SV2C: variants seen among roughly 807,000 people sequenced by gnomAD.
SV2C encodes the protein solute carrier family 22 member B3.
In SV2C, 49 loss-of-function variants were observed where a neutral mutation model predicts 79.7. That is an observed-to-expected ratio of 0.61 (90% CI 0.49 to 0.78). SV2C has a LOEUF of 0.78. SV2C is among the 30% of genes least tolerant of loss of function. The pLI is 0.00. For missense variants in SV2C, 833 were observed against 912.9 expected (o/e 0.91, Z 1.13); for synonymous variants, 334 against 333.2 (o/e 1.00, Z -0.03).
the SV2C span, among the ~76,000 whole-genome samples, chr5:75,937,675 C>G: frequency 2.6e-5 from 4 of 152,076 alleles, 1 homozygote; most frequent in Admixed American, 2.6e-4. Flanking sequence ...CGTCACCACA[C>G]TCCAGCCTGT....
At chr5:76,295,385 A>C (rs955898111) in intron 8 of SV2C, among the ~76,000 whole-genome samples, 5 of 152,192 alleles carry the variant, frequency 3.3e-5, no homozygotes, top group Admixed American at 1.3e-4. Context: ...CTCTGCCCTC[A>C]TAACTTAATC....
the SV2C span, among the ~76,000 whole-genome samples, chr5:75,949,660 C>T: frequency 1.3e-5 from 2 of 152,010 alleles, no homozygotes; most frequent in South Asian, 2.1e-4. Flanking sequence ...TCTTGGCTCT[C>T]ATTTTTTCTT....
rs183720472 is a variant in SV2C at position 76,218,636 on chromosome 5, G to C, written c.913+8749G>C. 4.8e-3 allele frequency among the ~76,000 whole-genome samples: 733 copies of C among 152,282 alleles called. 3 individuals carry two copies. Among genetic ancestry groups the C allele is most frequent in the African/African-American group, 0.017 (700 of 41,548 alleles). The stretch of plus-strand genomic sequence containing the variant: ...GGAGGCAAGGGGAGGGAGAGCATTA[G>C]GACCTAATGCATGTGGGGCTTTAAA... On this transcript the variant is annotated intron_variant, in intron 4 of 12. Coordinates refer to ENST00000502798, the MANE Select transcript of SV2C (RefSeq NM_014979.4).
chr5:75,859,085 A>C, the SV2C span, among the ~76,000 whole-genome samples: 2 of 145,542 alleles, frequency 1.4e-5, no homozygotes, highest in African/African-American at 5.1e-5. Flanking sequence ...TTTCAATTTT[A>C]TTTCTCCCCT....
intron 2 of SV2C, among the ~76,000 whole-genome samples, chr5:76,191,602 A>G (rs997454114): frequency 1.1e-4 from 17 of 152,376 alleles, no homozygotes; most frequent in African/African-American, 3.8e-4. Context: ...AATCTAAAGC[A>G]GCTTAGCAAA....
intron 4 of SV2C, among the ~76,000 whole-genome samples, chr5:76,255,921 C>T (rs1431739725): frequency 6.6e-6 from 1 of 152,176 alleles, no homozygotes; most frequent in African/African-American, 2.4e-5. Context: ...TTACAATCTC[C>T]ATAGAAAGGA....
At chr5:75,917,339 T>C in the SV2C span, among the ~76,000 whole-genome samples, 1 of 152,254 alleles carries the variant, frequency 6.6e-6, no homozygotes, top group African/African-American at 2.4e-5. Context: ...TCTGCCTGTA[T>C]ATAACTTCTG....
At chr5:76,270,234 C>T (rs1303239047) in intron 4 of SV2C, among the ~76,000 whole-genome samples, 1 of 152,118 alleles carries the variant, frequency 6.6e-6, no homozygotes, top group South Asian at 2.1e-4. Context: ...GTAGGAAGAG[C>T]CTCCTTTGAG....
At chr5:76,289,211 T>C (rs1747461181) in intron 6 of SV2C, among the ~76,000 whole-genome samples, 2 of 152,172 alleles carry the variant, frequency 1.3e-5, no homozygotes, top group Non-Finnish European at 1.5e-5. Context: ...TCTGAAGCTC[T>C]TCTTAGTGTG....
the SV2C span, among the ~76,000 whole-genome samples, chr5:75,908,569 G>A: frequency 6.6e-6 from 1 of 152,172 alleles, no homozygotes; most frequent in Admixed American, 6.5e-5. Context: ...TGAACTACCT[G>A]TAAGTCACTC....
chr5:76,120,309 A>G (rs1453408179), intron 1 of SV2C, among the ~76,000 whole-genome samples: 1 of 151,172 alleles, frequency 6.6e-6, no homozygotes, highest in Non-Finnish European at 1.5e-5. Context: ...TACGCATCAA[A>G]GATTTTTTTT....
At chr5:76,291,914 C>G in intron 8 of SV2C, 58 bp downstream of exon 8, 1 of 1,252,322 alleles carries the variant, frequency 8.0e-7, no homozygotes, top group Non-Finnish European at 1.1e-6. Flanking sequence ...ATTGTAACTC[C>G]TAGCCATGCT....
At chr5:75,934,112 G>A in the SV2C span, among the ~76,000 whole-genome samples, 1 of 152,028 alleles carries the variant, frequency 6.6e-6, no homozygotes, top group Non-Finnish European at 1.5e-5. Flanking sequence ...AGTTTGGACA[G>A]CTGAAAGTGA....
At chr5:75,925,006 A>G in the SV2C span, among the ~76,000 whole-genome samples, 1 of 152,222 alleles carries the variant, frequency 6.6e-6, no homozygotes, top group African/African-American at 2.4e-5. Flanking sequence ...ATAAAAAGTT[A>G]TGGTTATTTA....
intron 3 of SV2C, 61 bp downstream of exon 3, chr5:76,195,160 A>G: frequency 6.5e-7 from 1 of 1,547,970 alleles, no homozygotes; most frequent in Non-Finnish European, 8.8e-7. Flanking sequence ...TCTCCACTCT[A>G]GAGAACCTTA....
chr5:76,255,025 G>C (rs1251553823), intron 4 of SV2C, among the ~76,000 whole-genome samples: 5 of 152,026 alleles, frequency 3.3e-5, no homozygotes, highest in Admixed American at 6.5e-5. Flanking sequence ...AATACTCACT[G>C]TCAGGAAATA....
intron 4 of SV2C, among the ~76,000 whole-genome samples, chr5:76,239,268 T>C (rs935925667): frequency 3.3e-5 from 5 of 152,182 alleles, no homozygotes; most frequent in African/African-American, 1.2e-4. Flanking sequence ...ATGTTTGAAA[T>C]GACAGAATGA....
At chr5:75,910,490 T>C in the SV2C span, 1 of 611,782 alleles carries the variant, frequency 1.6e-6, no homozygotes, top group Non-Finnish European at 3.0e-6. Flanking sequence ...GTATAGCTTG[T>C]GGTCTTCTGC....
chr5:75,852,837 A>AG, the SV2C span, among the ~76,000 whole-genome samples: 11 of 145,598 alleles, frequency 7.6e-5, no homozygotes, highest in Non-Finnish European at 1.5e-4. Flanking sequence ...AAAAAAAAAA[A>AG]AAAAAAGAAA....
Sources: allele counts gnomAD v4.1 joint callset (sites outside exome capture counted in the v4.1 genomes callset), GRCh38; gene constraint gnomAD v4.1.1; transcripts MANE v1.5; gene names NCBI Gene and HGNC (gene_info 2026-07-23, HGNC 2026-07-21).